The following WNK3 variants were observed in gnomAD, a reference collection of about 807,000 sequenced individuals.
The protein encoded by WNK3 is serine/threonine-protein kinase WNK3.
Under a neutral mutation model 116.7 loss-of-function variants are expected in WNK3, and 18 were observed. The observed-to-expected ratio is 0.15, with a 90% CI of 0.11 to 0.23. WNK3 has a LOEUF of 0.23. Ranked by LOEUF, WNK3 falls within the 10% of genes least tolerant of loss-of-function variation. The probability of loss-of-function intolerance (pLI) is 1.00; values close to 1 mark genes in which losing one functional copy is unlikely to be tolerated. For missense variants in WNK3, 993 were observed against 1,323.8 expected (o/e 0.75, Z 3.88); for synonymous variants, 404 against 469.4 (o/e 0.86, Z 1.80).
chrX:54,263,427 C>G (rs1430655194), intron 10 of WNK3, among the ~76,000 whole-genome samples: 1 of 111,866 alleles, frequency 8.9e-6, no homozygotes, highest in Admixed American at 9.6e-5. Context: ...TTTTTTCTAA[C>G]ATTATAAAAA....
At chrX:54,343,850 G>A (rs1380028154) in intron 1 of WNK3, among the ~76,000 whole-genome samples, 8 of 109,272 alleles carry the variant, frequency 7.3e-5, no homozygotes, top group Non-Finnish European at 1.5e-4. Flanking sequence ...TTGTAGAGAT[G>A]AGGTCAAGCC....
chrX:54,251,459 A>C lies in WNK3; in HGVS notation c.2524-9T>G. The C allele has an allele frequency of 8.4e-7, 1 of 1,192,484 alleles. No individual in the cohort carries two copies. The highest frequency in any genetic ancestry group is 1.1e-6 in the Non-Finnish European group (1 of 882,292). On this transcript the variant is annotated splice_polypyrimidine_tract_variant and intron_variant, in intron 14 of 23. Coordinates refer to ENST00000354646, the Ensembl canonical transcript of WNK3. Reference sequence around the variant, plus strand: ...TGTTCAGATGACCCTGTCTGAATTAAAAATGAATAGATAAATTAAAAAGTT... The same window carrying C: ...TGTTCAGATGACCCTGTCTGAATTACAAATGAATAGATAAATTAAAAAGTT...
chrX:54,358,561 G>T (rs2069631221), upstream of WNK3: 1 of 111,956 alleles, frequency 8.9e-6, no homozygotes, highest in Non-Finnish European at 1.9e-5. Context: ...TTTGGGATTA[G>T]AAGTCGAAGC....
chrX:54,255,953 A>G (rs1475910202), intron 11 of WNK3, 66 bp from the exon 12 acceptor site: 1 of 941,016 alleles, frequency 1.1e-6, no homozygotes, highest in African/African-American at 2.0e-5. Context: ...AAAAACTCCC[A>G]ATTATAAAAC....
chrX:54,291,245 G>A (rs1024019162), intron 10 of WNK3, among the ~76,000 whole-genome samples: 2 of 110,685 alleles, frequency 1.8e-5, no homozygotes, highest in Non-Finnish European at 3.8e-5. Context: ...CCCGGGAGGC[G>A]GAGGTTGCAG....
In WNK3 at chrX:54,338,657, G is replaced by C. The variant is rs73477218; in HGVS notation, c.-119-4865C>G. Among the ~76,000 whole-genome samples, 233 of 109,399 alleles carry C rather than the reference G, an allele frequency of 2.1e-3. 2 individuals are homozygous for C. The highest frequency in any genetic ancestry group is 7.2e-3 in the African/African-American group (218 of 30,137). The allele number at this position is 109,399 out of a possible 115,157, so 95.0% of individuals were successfully genotyped here. A position where few individuals can be genotyped will look rare whatever the true frequency, so the allele number is the denominator to read the frequency against. ...ATATAATAGAGGAGTGGCAAGTACT[G>C]GTGCTCTGGTATAATAATTCTAACA... On this transcript the variant is annotated intron_variant, in intron 1 of 23. Transcript: ENST00000354646.
At chrX:54,345,580 T>C (rs1463731616) in intron 1 of WNK3, among the ~76,000 whole-genome samples, 2 of 108,741 alleles carry the variant, frequency 1.8e-5, no homozygotes, top group East Asian at 5.8e-4. Flanking sequence ...TCCTTAGGAG[T>C]TGAACTACCT....
chrX:54,216,345 C>T (rs781993272), intron 22 of WNK3, among the ~76,000 whole-genome samples: 192 of 105,421 alleles, frequency 1.8e-3, no homozygotes, highest in African/African-American at 6.2e-3. Context: ...TTTCTATTTC[C>T]CAAGTGTGGT....
At chrX:54,227,203 A>AT (rs781901495) in intron 22 of WNK3, among the ~76,000 whole-genome samples, 5 of 110,354 alleles carry the variant, frequency 4.5e-5, no homozygotes, top group African/African-American at 6.6e-5. Flanking sequence ...TGTCTTAAAA[A>AT]TTTTTTTTTC....
chrX:54,317,218 G>A (rs1418033741), intron 2 of WNK3, among the ~76,000 whole-genome samples: 1 of 107,700 alleles, frequency 9.3e-6, no homozygotes, highest in African/African-American at 3.4e-5. Context: ...GGAGTACAGA[G>A]GCACAATCTC....
intron 10 of WNK3, among the ~76,000 whole-genome samples, chrX:54,261,053 G>A (rs1361785212): frequency 1.8e-5 from 2 of 109,950 alleles, no homozygotes; most frequent in Non-Finnish European, 3.8e-5. Context: ...GTTTAAAACT[G>A]CAGCCAGCCC....
rs782118867 is a variant in WNK3, at chrX:54,272,849, C to A, written c.2038-13511G>T. On this transcript the variant is annotated intron_variant, in intron 10 of 23. Coordinates refer to ENST00000354646, the Ensembl canonical transcript of WNK3. ...CTGAAGTATAAAGATATTACCTTCA[C>A]TGATTAAGAAACTGGAATTAACAAA... is the stretch of plus-strand genomic sequence containing the variant. Among the ~76,000 whole-genome samples the A allele has an allele frequency of 3.6e-5, 4 of 112,187 alleles. 1 individual carries two copies. The South Asian group carries it at 1.5e-3, about 41-fold the overall frequency.
chrX:54,313,882 T>C (rs2068917123), intron 2 of WNK3, among the ~76,000 whole-genome samples: 3 of 110,854 alleles, frequency 2.7e-5, no homozygotes, highest in South Asian at 3.8e-4. Context: ...TCCTCCTTTT[T>C]TGATGTACAT....
rs782332737 is a variant in WNK3, at chrX:54,216,292, A to AATAT, written c.4870+12418_4870+12421dup. Among the ~76,000 whole-genome samples, 549 of 99,102 alleles carry AATAT rather than the reference A, an allele frequency of 5.5e-3. 7 individuals carry two copies. The highest frequency in any genetic ancestry group is 8.5e-3 in the Non-Finnish European group (422 of 49,502). 86.1% of individuals were successfully genotyped at this position (99,102 alleles called of 115,157 possible). ...CCCAAGAATGATCAATAAATACTAA[A>AATAT]ATATATATATATATATATATATTTT... On this transcript the variant is annotated intron_variant, in intron 22 of 23. Coordinates refer to ENST00000354646, the Ensembl canonical transcript of WNK3.
At chrX:54,322,273 T>C (rs962182624) in intron 2 of WNK3, among the ~76,000 whole-genome samples, 1 of 111,709 alleles carries the variant, frequency 9.0e-6, no homozygotes, top group Non-Finnish European at 1.9e-5. Flanking sequence ...AAAGACTATA[T>C]AGAACATTTT....
At chrX:54,198,463 A>G (rs782125765) in exon 24 of WNK3, 2 of 1,210,040 alleles carry the variant, frequency 1.7e-6, no homozygotes, top group Non-Finnish European at 1.1e-6. Flanking sequence ...TGAAATTCCT[A>G]CCCACTGTAC....
intron 22 of WNK3, chrX:54,223,725 G>C (rs2067795856): frequency 1.4e-5 from 2 of 146,340 alleles, no homozygotes; most frequent in Non-Finnish European, 2.7e-5. Context: ...AGGGATTAAT[G>C]CTGTCACCAC....
intron 22 of WNK3, among the ~76,000 whole-genome samples, chrX:54,219,219 C>A (rs58179630): frequency 0.01 from 1,151 of 111,075 alleles, 14 homozygotes; most frequent in African/African-American, 0.035. Context: ...AAAAGAAAAT[C>A]TTTAAAGAAG....
intron 22 of WNK3, among the ~76,000 whole-genome samples, chrX:54,206,576 C>T (rs782805194): frequency 1.5e-4 from 17 of 111,577 alleles, no homozygotes; most frequent in Admixed American, 4.8e-4. Context: ...TCCATCACTA[C>T]GTCATGAAAT....
Sources: allele counts gnomAD v4.1 joint callset (sites outside exome capture counted in the v4.1 genomes callset), GRCh38; gene constraint gnomAD v4.1.1; transcripts MANE v1.5; gene names NCBI Gene and HGNC (gene_info 2026-07-23, HGNC 2026-07-21).